CNBD1: variants seen among roughly 807,000 people sequenced by gnomAD.
CNBD1 encodes cyclic nucleotide binding domain containing 1.
In CNBD1, 71 loss-of-function variants were observed where a neutral mutation model predicts 54.4. That is an observed-to-expected ratio of 1.30 (90% CI 1.08 to 1.59). The LOEUF is 1.59. Among genes scored for constraint, CNBD1 ranks in the 40% most tolerant of loss-of-function variants. The probability of loss-of-function intolerance (pLI) is 0.00; values close to 1 mark genes in which losing one functional copy is unlikely to be tolerated. For missense variants in CNBD1, 659 were observed against 518.0 expected (o/e 1.27, Z -2.64); for synonymous variants, 182 against 170.7 (o/e 1.07, Z -0.51).
chr8:87,377,463 C>G (rs1220087179), intron 10 of CNBD1, among the ~76,000 whole-genome samples: 2 of 151,898 alleles, frequency 1.3e-5, no homozygotes, highest in East Asian at 3.9e-4. Context: ...TCATCCATGT[C>G]CCTACAAAGG....
intron 6 of CNBD1, among the ~76,000 whole-genome samples, chr8:87,242,413 G>A (rs930292310): frequency 5.9e-5 from 9 of 152,132 alleles, no homozygotes; most frequent in African/African-American, 2.2e-4. Context: ...TGCATAATAA[G>A]AACTTTGGTA....
intron 4 of CNBD1, among the ~76,000 whole-genome samples, chr8:87,165,233 C>T (rs1276045238): frequency 6.6e-6 from 1 of 151,860 alleles, no homozygotes; most frequent in Admixed American, 6.6e-5. Context: ...ATGTATTCTG[C>T]TGCTATTAAA....
intron 2 of CNBD1, among the ~76,000 whole-genome samples, chr8:87,403,014 A>G (rs1301439328): frequency 6.6e-6 from 1 of 152,044 alleles, no homozygotes; most frequent in Non-Finnish European, 1.5e-5. Context: ...TCAGTTAAGG[A>G]GGAATTCAAA....
chr8:87,349,982 G>T (rs970223705), intron 8 of CNBD1, among the ~76,000 whole-genome samples: 1 of 152,136 alleles, frequency 6.6e-6, no homozygotes. Flanking sequence ...AATTATAGTA[G>T]TACAGGTCTC....
intron 10 of CNBD1, among the ~76,000 whole-genome samples, chr8:87,371,743 A>G (rs981190110): frequency 1.3e-5 from 2 of 152,014 alleles, no homozygotes. Context: ...AAACCACATG[A>G]TTATCTCAAT....
At chr8:87,025,876 C>T (rs531759027) in intron 4 of CNBD1, among the ~76,000 whole-genome samples, 26 of 152,246 alleles carry the variant, frequency 1.7e-4, no homozygotes, top group Admixed American at 7.2e-4. Flanking sequence ...AAGAACCCAC[C>T]GGAAGGAACC....
chr8:87,374,023 A>G (rs1810873445), intron 10 of CNBD1, among the ~76,000 whole-genome samples: 1 of 151,804 alleles, frequency 6.6e-6, no homozygotes, highest in Non-Finnish European at 1.5e-5. Flanking sequence ...AGGCTTTTAT[A>G]GTATATACAT....
intron 8 of CNBD1, among the ~76,000 whole-genome samples, chr8:87,322,507 G>T (rs1478658722): frequency 8.2e-6 from 1 of 121,966 alleles, no homozygotes; most frequent in Non-Finnish European, 1.8e-5. Context: ...TAACTGGTGT[G>T]AGATGATATC....
chr8:87,199,967 G>A, intron 4 of CNBD1, among the ~76,000 whole-genome samples: 1 of 152,196 alleles, frequency 6.6e-6, no homozygotes, highest in African/African-American at 2.4e-5. Flanking sequence ...GGTTGCACGA[G>A]TGTATACTTA....
At chr8:87,306,673 A>AGTTTTC (rs1426647343) in intron 8 of CNBD1, among the ~76,000 whole-genome samples, 1 of 152,090 alleles carries the variant, frequency 6.6e-6, no homozygotes, top group African/African-American at 2.4e-5. Context: ...GGAAAACCAA[A>AGTTTTC]CATCATATGT....
chr8:87,043,100 G>A (rs1334912849), intron 4 of CNBD1, among the ~76,000 whole-genome samples: 1 of 152,214 alleles, frequency 6.6e-6, no homozygotes, highest in Non-Finnish European at 1.5e-5. Context: ...AGAAGGGGCT[G>A]TCTGCAGAGG....
At chr8:87,361,573 A>T (rs7835296) in intron 10 of CNBD1, among the ~76,000 whole-genome samples, 56,034 of 151,164 alleles carry the variant, frequency 0.37, 10,714 homozygotes, top group Middle Eastern at 0.45. Flanking sequence ...GAAAATCCTC[A>T]AATACTGGGA....
At chr8:87,411,886 T>C (rs1363603290) in intron 2 of CNBD1, among the ~76,000 whole-genome samples, 2 of 151,950 alleles carry the variant, frequency 1.3e-5, no homozygotes, top group African/African-American at 2.4e-5. Context: ...ACCTAAACAA[T>C]ATTATTGTTT....
chr8:87,242,619 T>C (rs535248601), intron 6 of CNBD1, among the ~76,000 whole-genome samples: 1 of 152,140 alleles, frequency 6.6e-6, no homozygotes, highest in Non-Finnish European at 1.5e-5. Flanking sequence ...ATAGAACCAA[T>C]GCACATCTTA....
intron 3 of CNBD1, among the ~76,000 whole-genome samples, chr8:86,922,692 G>A (rs1563823057): frequency 6.6e-6 from 1 of 152,150 alleles, no homozygotes; most frequent in African/African-American, 2.4e-5. Context: ...CTGCCACTGA[G>A]TAATGGTAGA....
At chr8:87,281,148 T>A (rs1485530128) in intron 6 of CNBD1, among the ~76,000 whole-genome samples, 1 of 151,680 alleles carries the variant, frequency 6.6e-6, no homozygotes, top group Non-Finnish European at 1.5e-5. Context: ...ATCATTTAGA[T>A]ATTTTATGTA....
At chr8:87,388,925 G>C (rs899328428) in intron 2 of CNBD1, among the ~76,000 whole-genome samples, 1 of 152,180 alleles carries the variant, frequency 6.6e-6, no homozygotes, top group African/African-American at 2.4e-5. Flanking sequence ...CTTCATCCCT[G>C]TGATGCAAGG....
chr8:87,309,564 G>T (rs1457853042), intron 8 of CNBD1, among the ~76,000 whole-genome samples: 1 of 152,024 alleles, frequency 6.6e-6, no homozygotes, highest in East Asian at 1.9e-4. Context: ...ATTGACTCCT[G>T]CTCAAGACTT....
At chr8:87,285,903 T>G (rs1198815332) in intron 7 of CNBD1, among the ~76,000 whole-genome samples, 1 of 152,032 alleles carries the variant, frequency 6.6e-6, no homozygotes, top group African/African-American at 2.4e-5. Context: ...AATAATGGGA[T>G]TCAAAGGTTT....
Sources: gnomAD v4.1 joint callset for allele counts (sites outside exome capture counted in the v4.1 genomes callset) on GRCh38, gnomAD v4.1.1 for gene constraint, MANE v1.5 for transcripts, NCBI Gene and HGNC (gene_info 2026-07-23, HGNC 2026-07-21) for gene names.